SNTG1: variants seen among roughly 807,000 people sequenced by gnomAD.
SNTG1 encodes syntrophin gamma 1.
SNTG1 carries 39 observed loss-of-function variants against 74.7 expected under a neutral mutation model. That is an observed-to-expected ratio of 0.52 (90% CI 0.40 to 0.68). The LOEUF (loss-of-function observed/expected upper bound fraction) is 0.68. Ranked by LOEUF, SNTG1 falls within the 30% of genes least tolerant of loss-of-function variation. The probability of loss-of-function intolerance (pLI) is 0.00; values close to 1 mark genes in which losing one functional copy is unlikely to be tolerated. For synonymous variants in SNTG1, 254 were observed against 217.1 expected (o/e 1.17, Z -1.49); for missense variants, 685 against 609.5 (o/e 1.12, Z -1.30).
intron 2 of SNTG1, among the ~76,000 whole-genome samples, chr8:50,318,561 C>A (rs902961978): frequency 6.6e-6 from 1 of 152,150 alleles, no homozygotes; most frequent in African/African-American, 2.4e-5. Context: ...GTGACTCCCA[C>A]GGTAAGACTC....
intron 2 of SNTG1, among the ~76,000 whole-genome samples, chr8:50,177,340 C>A (rs1563699475): frequency 6.6e-6 from 1 of 152,146 alleles, no homozygotes; most frequent in Non-Finnish European, 1.5e-5. Context: ...TCCTTGCCTT[C>A]AGGCTGGATT....
chr8:50,450,791 T>A (rs931196630), intron 8 of SNTG1, 62 bp downstream of exon 8: 1 of 1,476,008 alleles, frequency 6.8e-7, no homozygotes. Context: ...TTTAGTGCAT[T>A]GCTAAAGACT....
intron 17 of SNTG1, among the ~76,000 whole-genome samples, chr8:50,750,685 C>A (rs2095565276): frequency 1.3e-5 from 2 of 151,938 alleles, no homozygotes; most frequent in African/African-American, 4.8e-5. Context: ...ACTTGAATGA[C>A]CCCTGGCATT....
intron 2 of SNTG1, among the ~76,000 whole-genome samples, chr8:50,283,825 T>C (rs2088610468): frequency 6.6e-6 from 1 of 152,156 alleles, no homozygotes; most frequent in African/African-American, 2.4e-5. Flanking sequence ...TTTAATCAAC[T>C]TTATATTTTA....
chr8:50,340,607 T>C (rs954175637), intron 2 of SNTG1, among the ~76,000 whole-genome samples: 2 of 151,920 alleles, frequency 1.3e-5, no homozygotes, highest in African/African-American at 4.8e-5. Flanking sequence ...CACAGAATGA[T>C]CAGTTTTGAT....
chr8:50,092,099 T>C (rs1028234258), intron 1 of SNTG1, among the ~76,000 whole-genome samples: 2 of 152,200 alleles, frequency 1.3e-5, no homozygotes, highest in Admixed American at 6.6e-5. Context: ...TAATTAATAA[T>C]TGACTTGCAT....
chr8:49,964,945 A>G (rs573910594), intron 1 of SNTG1, among the ~76,000 whole-genome samples: 1 of 152,350 alleles, frequency 6.6e-6, no homozygotes, highest in African/African-American at 2.4e-5. Context: ...AATAGAATTT[A>G]ATATAAATTA....
At position 50,109,966 on chromosome 8, in the gene SNTG1, C is replaced by G. The variant is rs76115787; in HGVS notation, c.-102-62595C>G. On this transcript the variant is annotated intron_variant, in intron 1 of 18. Transcript: ENST00000642720. ...ACTTCTGTCTTAAGTACCCACCTTT[C>G]CCCATCTAGTTTCTGCCCAGGCTTG... Among the ~76,000 whole-genome samples, 27 of 152,280 alleles carry G rather than the reference C, an allele frequency of 1.8e-4. No individual in the cohort carries two copies. In the East Asian group the frequency reaches 4.6e-3, roughly 26 times the overall value.
chr8:50,012,861 T>A (rs1231530797), intron 1 of SNTG1, among the ~76,000 whole-genome samples: 1 of 152,116 alleles, frequency 6.6e-6, no homozygotes, highest in Admixed American at 6.6e-5. Flanking sequence ...TCCCTACTTG[T>A]CTGGTACCTC....
At chr8:50,352,560 T>A (rs942161691) in intron 2 of SNTG1, among the ~76,000 whole-genome samples, 1 of 152,076 alleles carries the variant, frequency 6.6e-6, no homozygotes, top group Non-Finnish European at 1.5e-5. Context: ...CTGGCTAATT[T>A]TTTTATATTT....
At chr8:49,919,436 G>T (rs570808599) in intron 1 of SNTG1, among the ~76,000 whole-genome samples, 2 of 152,182 alleles carry the variant, frequency 1.3e-5, no homozygotes, top group South Asian at 4.1e-4. Context: ...AACAACACTT[G>T]TCCTCTACAA....
At chr8:50,164,300 G>A (rs1249342119) in intron 1 of SNTG1, 1 of 152,042 alleles carries the variant, frequency 6.6e-6, no homozygotes, top group Non-Finnish European at 1.5e-5. Flanking sequence ...AAAGAACTTT[G>A]CGTATGAACA....
At chr8:50,580,996 T>A (rs558092749) in intron 12 of SNTG1, among the ~76,000 whole-genome samples, 2 of 152,288 alleles carry the variant, frequency 1.3e-5, no homozygotes, top group African/African-American at 4.8e-5. Flanking sequence ...GTGATTTTGT[T>A]CTTTTGTTTC....
At chr8:50,459,893 A>G (rs1234041891) in intron 8 of SNTG1, among the ~76,000 whole-genome samples, 1 of 152,040 alleles carries the variant, frequency 6.6e-6, no homozygotes, top group Non-Finnish European at 1.5e-5. Context: ...CATGCACCAC[A>G]TTTTCTTTAA....
chr8:50,177,990 T>A (rs1011952715), intron 2 of SNTG1, among the ~76,000 whole-genome samples: 6 of 152,206 alleles, frequency 3.9e-5, no homozygotes, highest in African/African-American at 1.4e-4. Context: ...TCAGAATGGC[T>A]TCCTTCACTT....
intron 2 of SNTG1, among the ~76,000 whole-genome samples, chr8:50,254,231 A>C (rs2086776155): frequency 6.6e-6 from 1 of 152,192 alleles, no homozygotes; most frequent in African/African-American, 2.4e-5. Flanking sequence ...TCAGAATTGG[A>C]ACCATGAAGA....
intron 15 of SNTG1, among the ~76,000 whole-genome samples, chr8:50,677,597 G>T (rs1168747980): frequency 2.6e-5 from 4 of 151,926 alleles, no homozygotes; most frequent in Non-Finnish European, 5.9e-5. Context: ...TCTGTTTACA[G>T]AAATGTTCTG....
At chr8:50,104,223 T>G (rs1364806559) in intron 1 of SNTG1, among the ~76,000 whole-genome samples, 1 of 152,170 alleles carries the variant, frequency 6.6e-6, no homozygotes, top group Non-Finnish European at 1.5e-5. Flanking sequence ...CTGTTGATTA[T>G]TGCCACAATT....
chr8:50,478,497 C>A (rs532194456), intron 8 of SNTG1, among the ~76,000 whole-genome samples: 1 of 152,274 alleles, frequency 6.6e-6, no homozygotes, highest in Non-Finnish European at 1.5e-5. Flanking sequence ...CTCTGCTAAC[C>A]ACTGAAGCCA....
Sources: gnomAD v4.1 joint callset for allele counts (sites outside exome capture counted in the v4.1 genomes callset) on GRCh38, gnomAD v4.1.1 for gene constraint, MANE v1.5 for transcripts, NCBI Gene and HGNC (gene_info 2026-07-23, HGNC 2026-07-21) for gene names.